The following SLC4A4 variants were observed in gnomAD, a reference collection of about 807,000 sequenced individuals.
The protein encoded by SLC4A4 is solute carrier family 4 member 4, also known as electrogenic sodium bicarbonate cotransporter 1.
Under a neutral mutation model 111.5 loss-of-function variants are expected in SLC4A4, and 27 were observed. That is an observed-to-expected ratio of 0.24 (90% CI 0.18 to 0.33). SLC4A4 has a LOEUF of 0.33. SLC4A4 is among the 10% of genes least tolerant of loss of function. The pLI, the probability that SLC4A4 is intolerant of heterozygous loss-of-function variation, is 1.00. For synonymous variants in SLC4A4, 443 were observed against 463.4 expected (o/e 0.96, Z 0.57); for missense variants, 909 against 1,315.5 (o/e 0.69, Z 4.78).
intron 12 of SLC4A4, among the ~76,000 whole-genome samples, chr4:71,455,209 A>G (rs775957847): frequency 1.3e-5 from 2 of 152,190 alleles, no homozygotes; most frequent in South Asian, 2.1e-4. Flanking sequence ...ACTGATTAAC[A>G]TTTTAGGAAA....
At chr4:71,465,671 G>A (rs978987193) in intron 12 of SLC4A4, among the ~76,000 whole-genome samples, 3 of 151,780 alleles carry the variant, frequency 2.0e-5, no homozygotes, top group Admixed American at 6.6e-5. Flanking sequence ...AGTTAGGATC[G>A]TTTTGTAAGT....
chr4:71,068,549 CCTTTTTTT>C (rs1387663764), intron 1 of SLC4A4, among the ~76,000 whole-genome samples: 1 of 151,732 alleles, frequency 6.6e-6, no homozygotes, highest in Non-Finnish European at 1.5e-5. Context: ...GTCAGGGCAA[CCTTTTTTT>C]CTTTTTTTCT....
Position 71,396,140 on chromosome 4 carries a change from T to C in SLC4A4, c.731-1437T>C, listed in dbSNP as rs529839097. ...AAAATGTGCCCTTCAAAGGGGTTCT[T>C]TTAATTTTGCACATAAAGCACATTT... On this transcript the variant is annotated intron_variant, in intron 6 of 25. Coordinates refer to ENST00000264485, the MANE Select transcript of SLC4A4 (RefSeq NM_001098484.3). Among the ~76,000 whole-genome samples, 7 of 152,330 alleles carry C rather than the reference T, an allele frequency of 4.6e-5. No homozygotes were observed. In the South Asian group the frequency reaches 1.4e-3, roughly 32 times the overall value.
At chr4:71,214,249 C>T (rs186853317) in intron 1 of SLC4A4, among the ~76,000 whole-genome samples, 14 of 152,306 alleles carry the variant, frequency 9.2e-5, no homozygotes, top group African/African-American at 3.1e-4. Context: ...AGAAGTGTGT[C>T]ATCCTCAGCC....
At chr4:71,466,329 T>C in intron 12 of SLC4A4, 115 bp from the exon 13 acceptor site, 1 of 1,124,614 alleles carries the variant, frequency 8.9e-7, no homozygotes, top group Non-Finnish European at 1.3e-6. Flanking sequence ...ATTCTTGATA[T>C]GTTTGCTAAG....
intron 7 of SLC4A4, among the ~76,000 whole-genome samples, chr4:71,421,908 A>G (rs1014035019): frequency 3.3e-5 from 5 of 152,132 alleles, no homozygotes; most frequent in African/African-American, 9.7e-5. Context: ...TTGACACCCT[A>G]ACATCACAAT....
chr4:71,364,333 A>G (rs1455710144), intron 6 of SLC4A4, among the ~76,000 whole-genome samples: 4 of 152,226 alleles, frequency 2.6e-5, no homozygotes, highest in African/African-American at 9.6e-5. Context: ...TATTCTGTGC[A>G]TATAACCAGG....
intron 15 of SLC4A4, among the ~76,000 whole-genome samples, chr4:71,491,418 C>T (rs1184091586): frequency 6.6e-6 from 1 of 151,936 alleles, no homozygotes; most frequent in Non-Finnish European, 1.5e-5. Context: ...GACTCTCAGG[C>T]TACTGCCTAT....
At chr4:71,154,248 T>C (rs1172009670) in intron 2 of SLC4A4, among the ~76,000 whole-genome samples, 1 of 152,198 alleles carries the variant, frequency 6.6e-6, no homozygotes, top group African/African-American at 2.4e-5. Flanking sequence ...GGCTTGGTAT[T>C]ATGAAGGTAT....
intron 1 of SLC4A4, among the ~76,000 whole-genome samples, chr4:71,199,078 C>T (rs568978385): frequency 1.3e-5 from 2 of 152,304 alleles, no homozygotes; most frequent in East Asian, 3.9e-4. Flanking sequence ...ATCCTCTTTT[C>T]ACAGAACTTT....
chr4:71,411,062 G>C (rs146036749), intron 7 of SLC4A4, among the ~76,000 whole-genome samples: 2 of 152,086 alleles, frequency 1.3e-5, no homozygotes. Context: ...ATAACCATTC[G>C]ATGACTACCT....
At chr4:71,225,366 A>G (rs1486794225) in intron 1 of SLC4A4, among the ~76,000 whole-genome samples, 3 of 151,932 alleles carry the variant, frequency 2.0e-5, no homozygotes, top group Non-Finnish European at 4.4e-5. Flanking sequence ...AAAAAAAAAG[A>G]TAATGAAAGT....
Position 71,204,569 on chromosome 4 carries a change from G to C in SLC4A4, c.-2+17168G>C, listed in dbSNP as rs144684421. Among the ~76,000 whole-genome samples, 669 of 152,102 alleles carry C rather than the reference G, an allele frequency of 4.4e-3. 8 individuals carry two copies. The highest frequency in any genetic ancestry group is 0.015 in the African/African-American group (627 of 41,470). Reference sequence around the variant, plus strand: ...TTTTGCAATACTATTTTTTAAAATGGAATATTAAATATTAGCAAGTTTAGT... The same window carrying C: ...TTTTGCAATACTATTTTTTAAAATGCAATATTAAATATTAGCAAGTTTAGT... On this transcript the variant is annotated intron_variant, in intron 1 of 25. Coordinates refer to ENST00000264485, the MANE Select transcript of SLC4A4 (RefSeq NM_001098484.3).
chr4:71,261,174 T>C (rs1233043968), intron 3 of SLC4A4, among the ~76,000 whole-genome samples: 1 of 152,190 alleles, frequency 6.6e-6, no homozygotes, highest in Non-Finnish European at 1.5e-5. Context: ...AGTCTGCACG[T>C]TGGCTGGCAG....
chr4:71,203,218 G>A (rs1174884092), intron 1 of SLC4A4, among the ~76,000 whole-genome samples: 1 of 152,036 alleles, frequency 6.6e-6, no homozygotes, highest in Non-Finnish European at 1.5e-5. Context: ...GTATTTAGGG[G>A]ATTAAAATAC....
chr4:71,475,956 A>T (rs1170651700), intron 14 of SLC4A4, among the ~76,000 whole-genome samples: 2 of 151,844 alleles, frequency 1.3e-5, no homozygotes, highest in African/African-American at 4.8e-5. Flanking sequence ...CCTTCTAGGC[A>T]TACATTGTAG....
intron 8 of SLC4A4, among the ~76,000 whole-genome samples, chr4:71,445,127 C>A (rs538954810): frequency 6.6e-6 from 1 of 152,264 alleles, no homozygotes; most frequent in African/African-American, 2.4e-5. Context: ...ATCGTGTAGA[C>A]ACCATTGATC....
chr4:71,335,818 C>A (rs1377321587), intron 3 of SLC4A4, among the ~76,000 whole-genome samples: 1 of 149,422 alleles, frequency 6.7e-6, no homozygotes, highest in East Asian at 2.0e-4. Flanking sequence ...GTGTGAGACT[C>A]TGTCTCAAAA....
rs1721600528 is a variant in SLC4A4, at chr4:71,258,254, C to T, written c.253+2855C>T. Among the ~76,000 whole-genome samples the T allele has an allele frequency of 3.9e-5, 6 of 152,338 alleles. No homozygotes were observed. In the South Asian group the frequency reaches 8.3e-4, roughly 21 times the overall value. On this transcript the variant is annotated intron_variant, in intron 3 of 25. Coordinates refer to ENST00000264485, the MANE Select transcript of SLC4A4 (RefSeq NM_001098484.3). ...AGGGCCTTTGTTCATGCAAACTTGT[C>T]TTCCTGAAATGGTCAGCCCATTCTT... is the stretch of plus-strand genomic sequence containing the variant.
Sources: gnomAD v4.1 joint callset for allele counts (sites outside exome capture counted in the v4.1 genomes callset) on GRCh38, gnomAD v4.1.1 for gene constraint, MANE v1.5 for transcripts, NCBI Gene and HGNC (gene_info 2026-07-23, HGNC 2026-07-21) for gene names.